Variants in GUCY1A2 observed in about 807,000 individuals in gnomAD.
The protein encoded by GUCY1A2 is guanylate cyclase soluble subunit alpha-2.
A neutral mutation model predicts 63.5 loss-of-function variants in GUCY1A2; 27 were observed. The ratio of observed to expected loss-of-function variants is 0.43; its 90% CI spans 0.31 to 0.59. GUCY1A2 has a LOEUF of 0.59. Among genes scored for constraint, GUCY1A2 ranks in the 20% least tolerant of loss-of-function variants. The pLI is 0.11. For synonymous variants in GUCY1A2, 364 were observed against 343.5 expected (o/e 1.06, Z -0.66); for missense variants, 768 against 913.3 (o/e 0.84, Z 2.05).
At chr11:106,731,794 CAAAT>C (rs1297464641) in intron 6 of GUCY1A2, among the ~76,000 whole-genome samples, 7 of 151,726 alleles carry the variant, frequency 4.6e-5, no homozygotes, top group South Asian at 2.1e-4. Flanking sequence ...CAATAGCCAC[CAAAT>C]AAATAAATAA....
At chr11:106,706,547 T>A (rs1005858198) in intron 7 of GUCY1A2, among the ~76,000 whole-genome samples, 6 of 142,922 alleles carry the variant, frequency 4.2e-5, no homozygotes, top group Non-Finnish European at 7.5e-5. Context: ...CTGGCAGAGT[T>A]TTTTTTTTTT....
At chr11:106,980,984 A>C (rs1423342831) in intron 2 of GUCY1A2, among the ~76,000 whole-genome samples, 1 of 152,206 alleles carries the variant, frequency 6.6e-6, no homozygotes, top group Non-Finnish European at 1.5e-5. Context: ...AATGTGCTTA[A>C]TACAGTACTC....
intron 3 of GUCY1A2, among the ~76,000 whole-genome samples, chr11:106,962,401 A>T (rs1469270558): frequency 1.3e-5 from 2 of 151,748 alleles, no homozygotes; most frequent in Non-Finnish European, 2.9e-5. Context: ...AAAAAAAAAA[A>T]ATACAAATAT....
At position 106,675,401 on chromosome 11, in the gene GUCY1A2, T is replaced by A. The variant is rs898801846; in HGVS notation, c.*12148A>T. On this transcript the variant is annotated 3_prime_UTR_variant, in exon 8 of 8. Coordinates refer to ENST00000526355, the MANE Select transcript of GUCY1A2 (RefSeq NM_000855.3). ...ATTCCCTCATAGTCAAAACCTGCCA[T>A]GATGATGTGAATTCATTTCCGCATA... is the stretch of plus-strand genomic sequence containing the variant. 2.5e-5 allele frequency: 5 copies of A among 198,684 alleles called. No homozygotes were observed. Among genetic ancestry groups the A allele is most frequent in the Admixed American group, 1.8e-4 (3 of 16,484 alleles). The allele number at this position is 198,684 out of a possible 1,614,324, so 12.3% of individuals were successfully genotyped here.
intron 4 of GUCY1A2, among the ~76,000 whole-genome samples, chr11:106,884,731 T>A (rs1017746793): frequency 6.6e-6 from 1 of 152,170 alleles, no homozygotes; most frequent in African/African-American, 2.4e-5. Flanking sequence ...TAATGAATGT[T>A]AGCAAGAAGC....
At chr11:106,917,890 A>G (rs1308827381) in intron 4 of GUCY1A2, among the ~76,000 whole-genome samples, 2 of 140,890 alleles carry the variant, frequency 1.4e-5, no homozygotes, top group Non-Finnish European at 3.2e-5. Context: ...ACATGTATAC[A>G]TATGTAACTA....
intron 6 of GUCY1A2, among the ~76,000 whole-genome samples, chr11:106,725,081 A>G (rs1863381283): frequency 6.6e-6 from 1 of 151,332 alleles, no homozygotes; most frequent in Non-Finnish European, 1.5e-5. Context: ...TATTTAAGAA[A>G]TCCTTTATTT....
chr11:106,812,379 G>T (rs1408982815), intron 4 of GUCY1A2, among the ~76,000 whole-genome samples: 1 of 150,782 alleles, frequency 6.6e-6, no homozygotes, highest in African/African-American at 2.4e-5. Context: ...TTGCTTCGTG[G>T]AGTTACACTT....
chr11:106,874,767 GA>G (rs944375906), intron 4 of GUCY1A2, among the ~76,000 whole-genome samples: 8 of 147,158 alleles, frequency 5.4e-5, no homozygotes, highest in Non-Finnish European at 1.1e-4. Context: ...GCCACTAAAA[GA>G]AAAAAAAACT....
At chr11:106,891,277 C>G (rs994818409) in intron 4 of GUCY1A2, among the ~76,000 whole-genome samples, 1 of 151,958 alleles carries the variant, frequency 6.6e-6, no homozygotes, top group Non-Finnish European at 1.5e-5. Flanking sequence ...CTGATCAAGC[C>G]TTTGCTTTTA....
chr11:106,695,937 T>C (rs1161395223), intron 7 of GUCY1A2, among the ~76,000 whole-genome samples: 6 of 152,120 alleles, frequency 3.9e-5, no homozygotes, highest in African/African-American at 1.4e-4. Context: ...TTCCTGTATG[T>C]CCCCTGAAAA....
chr11:106,900,854 A>G (rs1329553185), intron 4 of GUCY1A2, among the ~76,000 whole-genome samples: 4 of 152,256 alleles, frequency 2.6e-5, no homozygotes, highest in African/African-American at 7.2e-5. Flanking sequence ...GCTAATGATT[A>G]TCTGAGCCTT....
Position 106,687,319 on chromosome 11 carries a change from A to T in GUCY1A2, c.*230T>A, listed in dbSNP as rs1862543222. On this transcript the variant is annotated 3_prime_UTR_variant, in exon 8 of 8. Coordinates refer to ENST00000526355, the MANE Select transcript of GUCY1A2 (RefSeq NM_000855.3). ...ATTAAAATATATGTGTATATATATG[A>T]CCAAAACCACTCATATGAATGGACA... 1.9e-6 allele frequency: 1 copy of T among 538,232 alleles called. No individual in the cohort carries two copies. 33.3% of individuals were successfully genotyped at this position (538,232 alleles called of 1,614,324 possible).
chr11:107,006,179 C>T (rs1861669144), intron 1 of GUCY1A2, among the ~76,000 whole-genome samples: 1 of 152,138 alleles, frequency 6.6e-6, no homozygotes, highest in African/African-American at 2.4e-5. Context: ...CCTCTTTTCC[C>T]AGAATGCAGA....
At chr11:106,818,756 G>A (rs1427617976) in intron 4 of GUCY1A2, among the ~76,000 whole-genome samples, 1 of 152,114 alleles carries the variant, frequency 6.6e-6, no homozygotes, top group Non-Finnish European at 1.5e-5. Flanking sequence ...CTACTCCGGT[G>A]AACACACAAA....
chr11:106,786,101 G>A (rs1292529398), intron 5 of GUCY1A2, among the ~76,000 whole-genome samples: 1 of 152,132 alleles, frequency 6.6e-6, no homozygotes, highest in Non-Finnish European at 1.5e-5. Context: ...TGGCACAGTA[G>A]GCATTCAATG....
At chr11:106,744,188 T>C (rs1429659106) in intron 6 of GUCY1A2, among the ~76,000 whole-genome samples, 2 of 151,560 alleles carry the variant, frequency 1.3e-5, no homozygotes, top group Non-Finnish European at 2.9e-5. Flanking sequence ...AGAAACTCTG[T>C]AAACTTCTAG....
At chr11:106,708,430 A>G in intron 7 of GUCY1A2, 82 bp downstream of exon 7, 5 of 1,105,870 alleles carry the variant, frequency 4.5e-6, no homozygotes, top group Non-Finnish European at 6.5e-6. Context: ...GGATCAAGAA[A>G]AAGAACAGGG....
intron 6 of GUCY1A2, among the ~76,000 whole-genome samples, chr11:106,753,044 CATG>C (rs1481260141): frequency 6.6e-6 from 1 of 151,354 alleles, no homozygotes; most frequent in Non-Finnish European, 1.5e-5. Context: ...TTTTAATGAT[CATG>C]ATGTTAACAG....
Sources: allele counts gnomAD v4.1 joint callset (sites outside exome capture counted in the v4.1 genomes callset), GRCh38; gene constraint gnomAD v4.1.1; transcripts MANE v1.5; gene names NCBI Gene and HGNC (gene_info 2026-07-23, HGNC 2026-07-21).